Variants in NAA38 observed in about 807,000 individuals in gnomAD.
NAA38 encodes the protein N-alpha-acetyltransferase 38, NatC auxiliary subunit, also known as LSM domain containing 1.
Under a neutral mutation model 12.6 loss-of-function variants are expected in NAA38, and 15 were observed. The observed-to-expected ratio is 1.19, with a 90% CI of 0.79 to 1.83. The LOEUF (loss-of-function observed/expected upper bound fraction) is 1.83, where lower values mean the gene tolerates loss of function less well. Ranked by LOEUF, NAA38 falls within the 40% of genes most tolerant of loss-of-function variation. NAA38 has a pLI of 0.00. For synonymous variants in NAA38, 88 were observed against 69.9 expected, an observed-to-expected ratio of 1.26 and a Z score of -1.29; for missense variants, 183 against 171.7, an observed-to-expected ratio of 1.07 and a Z score of -0.37.
chr17:7,859,273 G>T (rs574294882), upstream of NAA38: 4 of 830,298 alleles, frequency 4.8e-6, no homozygotes, highest in Admixed American at 7.2e-5. Context: ...TCCCGGGGCC[G>T]TAGAGTACCT....
chr17:7,857,574 C>A, upstream of NAA38: 1 of 1,401,626 alleles, frequency 7.1e-7, no homozygotes, highest in Non-Finnish European at 9.2e-7. Flanking sequence ...GATCCCCTCT[C>A]CTCCCCCTCC....
At chr17:7,858,248 C>T, upstream of NAA38, 1 of 1,614,004 alleles carries the variant, frequency 6.2e-7, no homozygotes, top group Non-Finnish European at 8.5e-7. Flanking sequence ...GGGTATCTTA[C>T]CTGGGACGCG....
chr17:7,857,624 C>T (rs541791900), upstream of NAA38: 6 of 1,362,488 alleles, frequency 4.4e-6, no homozygotes, highest in East Asian at 1.4e-4. Context: ...CGAGCTTCTC[C>T]TACTTCTCTA....
chr17:7,859,029 T>TC, upstream of NAA38: 1 of 567,636 alleles, frequency 1.8e-6, no homozygotes, highest in Non-Finnish European at 3.1e-6. Flanking sequence ...GACAAGAGAC[T>TC]CCTTTATAAG....
At chr17:7,881,552 T>A (rs983593279) in intron 2 of NAA38, among the ~76,000 whole-genome samples, 5 of 151,252 alleles carry the variant, frequency 3.3e-5, no homozygotes, top group Non-Finnish European at 5.9e-5. Context: ...ACTATCCTCA[T>A]TGATGGAAGT....
At chr17:7,864,966 TGTG>T (rs1012296775) in intron 3 of NAA38, 7 of 152,146 alleles carry the variant, frequency 4.6e-5, no homozygotes, top group Non-Finnish European at 8.8e-5. Context: ...ATTTTCTACT[TGTG>T]GTATCATGTA....
upstream of NAA38, chr17:7,858,589 C>G: frequency 1.9e-6 from 3 of 1,607,488 alleles, no homozygotes; most frequent in Non-Finnish European, 8.5e-7. Context: ...ACCCTCGCCC[C>G]AAACCCTCCT....
upstream of NAA38, chr17:7,857,959 C>T: frequency 1.4e-6 from 2 of 1,461,580 alleles, no homozygotes; most frequent in African/African-American, 2.8e-5. Flanking sequence ...AGTCCAAACC[C>T]CGCCCCTGAT....
At chr17:7,874,917 G>C (rs905317493) in intron 2 of NAA38, among the ~76,000 whole-genome samples, 3 of 147,740 alleles carry the variant, frequency 2.0e-5, no homozygotes, top group African/African-American at 7.5e-5. Flanking sequence ...AAATTAGGTC[G>C]GGTGTGGTGG....
At chr17:7,885,024 T>A (rs1448091211) in intron 1 of NAA38, 2 of 1,178,862 alleles carry the variant, frequency 1.7e-6, no homozygotes, top group African/African-American at 1.7e-5. Flanking sequence ...TGCCACCTCT[T>A]CCCGCCGCCG....
At chr17:7,864,976 T>C (rs1330564352) in intron 3 of NAA38, 5 of 152,184 alleles carry the variant, frequency 3.3e-5, no homozygotes, top group African/African-American at 7.2e-5. Context: ...TGTGGTATCA[T>C]GTAGGCATGT....
chr17:7,884,217 G>T (rs1011896199), intron 1 of NAA38, among the ~76,000 whole-genome samples: 1 of 151,018 alleles, frequency 6.6e-6, no homozygotes, highest in Non-Finnish European at 1.5e-5. Context: ...GAGAATGGGG[G>T]GGTGAAAAAT....
At chr17:7,878,770 AAAG>A (rs1277277000) in intron 2 of NAA38, among the ~76,000 whole-genome samples, 2 of 152,158 alleles carry the variant, frequency 1.3e-5, no homozygotes, top group African/African-American at 4.8e-5. Context: ...TATAATTATA[AAAG>A]AAGTACATGT....
At chr17:7,869,843 G>C (rs898633972) in intron 2 of NAA38, among the ~76,000 whole-genome samples, 2 of 152,142 alleles carry the variant, frequency 1.3e-5, no homozygotes, top group Admixed American at 1.3e-4. Flanking sequence ...AGCAAGTGAA[G>C]GGGTAAGAGG....
At chr17:7,884,071 AACACAC>A (rs149257134) in intron 1 of NAA38, among the ~76,000 whole-genome samples, 3 of 148,550 alleles carry the variant, frequency 2.0e-5, no homozygotes, top group African/African-American at 5.0e-5. Flanking sequence ...ATGCCCCCCC[AACACAC>A]ACACACACAC....
intron 2 of NAA38, among the ~76,000 whole-genome samples, chr17:7,866,866 C>A (rs1966992821): frequency 6.6e-6 from 1 of 152,192 alleles, no homozygotes; most frequent in Non-Finnish European, 1.5e-5. Context: ...TCAGCCCTAG[C>A]CCAGTGCCCA....
chr17:7,875,321 A>T (rs1248433075), intron 2 of NAA38, among the ~76,000 whole-genome samples: 1 of 152,064 alleles, frequency 6.6e-6, no homozygotes, highest in Non-Finnish European at 1.5e-5. Context: ...GACAAGTACA[A>T]TACTTTTCTT....
chr17:7,859,791 G>C (rs979692808), upstream of NAA38: 1 of 599,584 alleles, frequency 1.7e-6, no homozygotes, highest in African/African-American at 1.9e-5. Context: ...ATTACAGTTT[G>C]CTCTGAGAAA....
At chr17:7,884,121 A>G (rs1967400690) in intron 1 of NAA38, among the ~76,000 whole-genome samples, 1 of 150,946 alleles carries the variant, frequency 6.6e-6, no homozygotes, top group Admixed American at 6.6e-5. Context: ...AAATATCTCT[A>G]TTAATCTGTG....
Sources: allele counts gnomAD v4.1 joint callset (sites outside exome capture counted in the v4.1 genomes callset), GRCh38; gene constraint gnomAD v4.1.1; transcripts MANE v1.5; gene names NCBI Gene and HGNC (gene_info 2026-07-23, HGNC 2026-07-21).